Variants in ADAMTSL1 observed in about 807,000 individuals in gnomAD.
ADAMTSL1 encodes ADAMTS-like protein 1.
ADAMTSL1 carries 126 observed loss-of-function variants against 201.8 expected under a neutral mutation model. That is an observed-to-expected ratio of 0.62 (90% CI 0.54 to 0.72). The LOEUF is 0.72. Ranked by LOEUF, ADAMTSL1 falls within the 30% of genes least tolerant of loss-of-function variation. The pLI, the probability that ADAMTSL1 is intolerant of heterozygous loss-of-function variation, is 0.00. For synonymous variants in ADAMTSL1, 1,121 were observed against 903.4 expected, an observed-to-expected ratio of 1.24 and a Z score of -4.32; for missense variants, 2,679 against 2,277.8, an observed-to-expected ratio of 1.18 and a Z score of -3.59.
chr9:18,612,899 G>A (rs555204720), intron 4 of ADAMTSL1, among the ~76,000 whole-genome samples: 16 of 152,170 alleles, frequency 1.1e-4, no homozygotes, highest in Non-Finnish European at 2.2e-4. Flanking sequence ...TCTACACAGC[G>A]AAAGAAACTA....
intron 4 of ADAMTSL1, among the ~76,000 whole-genome samples, chr9:18,621,772 A>G (rs1826047833): frequency 1.3e-5 from 2 of 152,134 alleles, no homozygotes; most frequent in African/African-American, 4.8e-5. Context: ...CAAATCGCCC[A>G]CCCTTACGCA....
At chr9:18,054,447 A>G (rs182376855) in intron 1 of ADAMTSL1, among the ~76,000 whole-genome samples, 28 of 152,380 alleles carry the variant, frequency 1.8e-4, no homozygotes, top group African/African-American at 6.5e-4. Context: ...AGTCAGAGTC[A>G]TTCAAAGTTT....
At chr9:18,396,138 A>C (rs1220912922) in intron 2 of ADAMTSL1, among the ~76,000 whole-genome samples, 1 of 151,998 alleles carries the variant, frequency 6.6e-6, no homozygotes, top group Non-Finnish European at 1.5e-5. Flanking sequence ...ACCTTAGAGC[A>C]CTCTGGTCCT....
intron 23 of ADAMTSL1, among the ~76,000 whole-genome samples, chr9:18,836,249 T>C (rs1825302335): frequency 6.6e-6 from 1 of 152,100 alleles, no homozygotes; most frequent in Non-Finnish European, 1.5e-5. Context: ...AAATGTCTGT[T>C]CCTGTCTTTT....
At chr9:18,891,188 A>T (rs10963821) in intron 25 of ADAMTSL1, among the ~76,000 whole-genome samples, 49,686 of 142,016 alleles carry the variant, frequency 0.35, 8,838 homozygotes, top group South Asian at 0.5. Context: ...GGCTAGGACG[A>T]AGCCATAGGT....
intron 2 of ADAMTSL1, among the ~76,000 whole-genome samples, chr9:18,405,072 C>G (rs192445439): frequency 1.5e-4 from 23 of 152,102 alleles, no homozygotes; most frequent in Admixed American, 1.2e-3. Context: ...AAATACCTGA[C>G]GTGTTTGTCT....
At chr9:17,913,358 C>T (rs1254355561) in intron 1 of ADAMTSL1, among the ~76,000 whole-genome samples, 5 of 152,098 alleles carry the variant, frequency 3.3e-5, no homozygotes, top group Non-Finnish European at 7.3e-5. Flanking sequence ...TGTTTGTATC[C>T]TCTTTTATTT....
At chr9:18,858,051 T>TA (rs71494989) in intron 23 of ADAMTSL1, among the ~76,000 whole-genome samples, 14 of 151,290 alleles carry the variant, frequency 9.3e-5, no homozygotes, top group South Asian at 2.1e-4. Flanking sequence ...ACCCAGAATT[T>TA]AAAAAAAAAA....
In ADAMTSL1 at chr9:18,240,647, A is replaced by G. The variant is rs59896837; in HGVS notation, c.207+76666A>G. Among the ~76,000 whole-genome samples, 1,482 of 152,314 alleles carry G rather than the reference A, an allele frequency of 9.7e-3. 20 individuals carry two copies. Among genetic ancestry groups the G allele is most frequent in the African/African-American group, 0.033 (1,386 of 41,580 alleles). ...ATGGCATCTTCTTTCAGTATAAGAT[A>G]TCATTGAATATAAGATGCCATTGAA... is the stretch of plus-strand genomic sequence containing the variant. On this transcript the variant is annotated intron_variant, in intron 2 of 29. Coordinates refer to the ADAMTSL1 transcript ENST00000680146.
chr9:18,352,570 A>G (rs1434902728), intron 2 of ADAMTSL1, among the ~76,000 whole-genome samples: 2 of 152,198 alleles, frequency 1.3e-5, no homozygotes, highest in Non-Finnish European at 2.9e-5. Flanking sequence ...TTTCTATCCC[A>G]GTGTTAATGA....
intron 2 of ADAMTSL1, among the ~76,000 whole-genome samples, chr9:18,513,259 C>T (rs1818142520): frequency 6.6e-6 from 1 of 151,846 alleles, no homozygotes; most frequent in South Asian, 2.1e-4. Context: ...TACAATTTAG[C>T]CATCTTGCAT....
intron 2 of ADAMTSL1, among the ~76,000 whole-genome samples, chr9:18,381,767 C>G (rs140112357): frequency 1.3e-5 from 2 of 151,778 alleles, no homozygotes; most frequent in Admixed American, 1.3e-4. Context: ...CACCGAGAAC[C>G]CATTTGGAGC....
chr9:18,286,845 TATAAA>T (rs1399721695), intron 2 of ADAMTSL1, among the ~76,000 whole-genome samples: 2 of 152,212 alleles, frequency 1.3e-5, no homozygotes, highest in Non-Finnish European at 2.9e-5. Flanking sequence ...GTGTTTATGT[TATAAA>T]ATATAGATTT....
At chr9:18,655,197 A>G (rs1424701880) in intron 7 of ADAMTSL1, among the ~76,000 whole-genome samples, 1 of 152,228 alleles carries the variant, frequency 6.6e-6, no homozygotes, top group African/African-American at 2.4e-5. Flanking sequence ...TCATGTGCTT[A>G]TACTATCTCC....
At chr9:18,163,127 C>T (rs544656074) in intron 1 of ADAMTSL1, among the ~76,000 whole-genome samples, 4 of 151,882 alleles carry the variant, frequency 2.6e-5, no homozygotes, top group Non-Finnish European at 5.9e-5. Flanking sequence ...AGCTCAGTAG[C>T]CAAATGATAA....
At chr9:18,766,777 C>T (rs1464279806) in intron 16 of ADAMTSL1, among the ~76,000 whole-genome samples, 2 of 152,058 alleles carry the variant, frequency 1.3e-5, no homozygotes, top group African/African-American at 4.8e-5. Context: ...AGGGTTCCAC[C>T]GTCATGACCT....
intron 19 of ADAMTSL1, among the ~76,000 whole-genome samples, chr9:18,790,573 A>G (rs1821969941): frequency 1.3e-5 from 2 of 152,214 alleles, no homozygotes; most frequent in African/African-American, 4.8e-5. Context: ...GAAAGAGATT[A>G]TACTTGGTAG....
At chr9:18,467,631 C>G (rs967523275) in intron 2 of ADAMTSL1, among the ~76,000 whole-genome samples, 3 of 152,048 alleles carry the variant, frequency 2.0e-5, no homozygotes, top group Non-Finnish European at 4.4e-5. Context: ...GCCATTTGAG[C>G]TATATCTTAA....
At chr9:18,726,122 A>G (rs994015327) in intron 15 of ADAMTSL1, among the ~76,000 whole-genome samples, 6 of 152,220 alleles carry the variant, frequency 3.9e-5, no homozygotes, top group African/African-American at 1.4e-4. Context: ...TTTTCAAACT[A>G]GTACTTCTAG....
Sources: allele counts gnomAD v4.1 joint callset (sites outside exome capture counted in the v4.1 genomes callset), GRCh38; gene constraint gnomAD v4.1.1; transcripts MANE v1.5; gene names NCBI Gene and HGNC (gene_info 2026-07-23, HGNC 2026-07-21).